Variants in EHD4 observed in about 807,000 individuals in gnomAD.
The protein encoded by EHD4 is EH domain-containing protein 4.
A neutral mutation model predicts 51.0 loss-of-function variants in EHD4; 37 were observed. That is an observed-to-expected ratio of 0.73 (90% CI 0.56 to 0.95). The LOEUF (loss-of-function observed/expected upper bound fraction) is 0.95. Among genes scored for constraint, EHD4 ranks in the 40% least tolerant of loss-of-function variants. The probability of loss-of-function intolerance (pLI) is 0.00; values close to 1 mark genes in which losing one functional copy is unlikely to be tolerated. For synonymous variants in EHD4, 297 were observed against 317.3 expected (o/e 0.94, Z 0.68); for missense variants, 632 against 733.1 (o/e 0.86, Z 1.59).
chr15:41,902,002 G>A (rs1184971935), intron 5 of EHD4, among the ~76,000 whole-genome samples: 1 of 152,172 alleles, frequency 6.6e-6, no homozygotes, highest in Non-Finnish European at 1.5e-5. Flanking sequence ...TGGGGAGCAC[G>A]AGGGAATAAA....
chr15:41,902,278 T>C (rs191881698), intron 5 of EHD4, among the ~76,000 whole-genome samples: 1 of 151,388 alleles, frequency 6.6e-6, no homozygotes, highest in Non-Finnish European at 1.5e-5. Context: ...CATCCATCCA[T>C]CCATCCATCC....
Position 41,953,887 on chromosome 15 carries a change from G to T in EHD4, c.290C>A (p.Thr97Lys). Residue 97 changes from threonine (T) to lysine (K), a missense_variant, in exon 2 of 6, where the codon ACA becomes AAA. Physicochemically the swap from Thr to Lys is moderately conservative, Grantham distance 78. Coordinates refer to ENST00000220325, the MANE Select transcript of EHD4 (RefSeq NM_139265.4). ...PGMRIGPEPTTDSFIAVMYGE... is the reference protein window; with the variant it reads ...PGMRIGPEPTKDSFIAVMYGE... ...ATACATCACGGCGATGAAGGAGTCTGTGGTGGGCTCCGGACCAATCCTCAT... is the reference window on the plus strand; with the variant it reads ...ATACATCACGGCGATGAAGGAGTCTTTGGTGGGCTCCGGACCAATCCTCAT... 2 of 1,613,986 alleles carry T rather than the reference G, an allele frequency of 1.2e-6. No individual in the cohort carries two copies. Among genetic ancestry groups the T allele is most frequent in the Non-Finnish European group, 1.7e-6 (2 of 1,179,978 alleles).
intron 1 of EHD4, among the ~76,000 whole-genome samples, chr15:41,959,855 A>G (rs923977760): frequency 6.6e-6 from 1 of 151,854 alleles, no homozygotes; most frequent in Non-Finnish European, 1.5e-5. Context: ...CTGTAATCCC[A>G]GCTACTCGGG....
chr15:41,968,714 C>T (rs568375385), intron 1 of EHD4, among the ~76,000 whole-genome samples: 13 of 152,116 alleles, frequency 8.5e-5, no homozygotes, highest in Non-Finnish European at 1.8e-4. Flanking sequence ...ACTTGGCTGG[C>T]GCTAGTTGCA....
At chr15:41,959,372 G>C (rs990532606) in intron 1 of EHD4, among the ~76,000 whole-genome samples, 90 of 145,156 alleles carry the variant, frequency 6.2e-4, no homozygotes, top group African/African-American at 2.3e-3. Flanking sequence ...CTCCAGCCTG[G>C]GTGACAGAGC....
At chr15:41,930,303 C>T (rs761543383) in intron 3 of EHD4, among the ~76,000 whole-genome samples, 2 of 152,200 alleles carry the variant, frequency 1.3e-5, no homozygotes, top group African/African-American at 2.4e-5. Context: ...GTGTATAAGT[C>T]AGGCTAGAAA....
chr15:41,935,338 G>A (rs939735529), intron 3 of EHD4, among the ~76,000 whole-genome samples: 1 of 152,170 alleles, frequency 6.6e-6, no homozygotes, highest in Non-Finnish European at 1.5e-5. Context: ...CACTGTTGCT[G>A]TGAAACCTAA....
At position 41,900,875 on chromosome 15, in the gene EHD4, A is replaced by G. The variant is rs141181037; in HGVS notation, c.1396T>C (p.Ser466Pro). 32 of 1,614,046 alleles carry G rather than the reference A, an allele frequency of 2.0e-5. No homozygotes were observed. In the East Asian group the frequency reaches 7.1e-4, roughly 36 times the overall value. ...YTLSPINGKI[S>P]GVNAKKEMVT... ...ATCTCCTTCTTGGCGTTGACACCTG[A>G]TATCTTGCCATTGATGGGCGACAGA... The change falls in exon 6 of 6, where the codon TCA becomes CCA. Residue 466 changes from serine to proline, a missense_variant. Ser to Pro is a moderately conservative substitution (Grantham distance 74, BLOSUM62 -1). Transcript: ENST00000220325. This position sits in a 1 kb window ranked among gnomAD's most constrained non-coding sequence, Gnocchi z 4.8.
intron 4 of EHD4, among the ~76,000 whole-genome samples, chr15:41,916,341 T>C (rs1179367240): frequency 6.6e-6 from 1 of 152,220 alleles, no homozygotes; most frequent in Non-Finnish European, 1.5e-5. Context: ...GGTTTGAACG[T>C]ATACTTTGCA....
chr15:41,918,813 C>T (rs2067602786), intron 4 of EHD4, among the ~76,000 whole-genome samples: 1 of 152,236 alleles, frequency 6.6e-6, no homozygotes, highest in African/African-American at 2.4e-5. Context: ...CTCACCAATG[C>T]CACCTCTTTC....
intron 4 of EHD4, among the ~76,000 whole-genome samples, chr15:41,917,963 G>A (rs1478303874): frequency 6.6e-6 from 1 of 152,168 alleles, no homozygotes; most frequent in Non-Finnish European, 1.5e-5. Context: ...AGGACATCGA[G>A]GTCCTGTGTG....
intron 4 of EHD4, among the ~76,000 whole-genome samples, chr15:41,918,205 C>T (rs939141002): frequency 7.2e-6 from 1 of 138,736 alleles, no homozygotes; most frequent in South Asian, 2.4e-4. Context: ...TAGCCAATCA[C>T]CCAGGGAGCT....
Position 41,953,747 on chromosome 15 carries a change from A to G in EHD4, c.413+17T>C. The G allele has an allele frequency of 6.3e-7, 1 of 1,574,988 alleles. No homozygotes were observed. Among genetic ancestry groups the G allele is most frequent in the Non-Finnish European group, 8.6e-7 (1 of 1,163,894 alleles). On this transcript the variant is annotated intron_variant, in intron 2 of 5. Transcript: ENST00000220325. ...TTTAAACAGCCTGACCGAAGATGGC[A>G]GCTTGCTGGTCCTTACCGATTCAGG...
intron 1 of EHD4, among the ~76,000 whole-genome samples, chr15:41,961,164 G>C (rs1214652603): frequency 6.6e-6 from 1 of 152,172 alleles, no homozygotes. Context: ...TCGTATCTCA[G>C]GCTATTTTTC....
At position 41,900,558 on chromosome 15, in the gene EHD4, C is replaced by T; in HGVS notation, c.*87G>A. The T allele has an allele frequency of 7.2e-7, 1 of 1,386,134 alleles. No individual in the cohort carries two copies. The highest frequency in any genetic ancestry group is 1.4e-5 in the South Asian group (1 of 69,770). 85.9% of individuals were successfully genotyped at this position (1,386,134 alleles called of 1,614,324 possible). A position where few individuals can be genotyped will look rare whatever the true frequency, so the allele number is the denominator to read the frequency against. ...AACCAAGGCACAGAGAGGGCAGTGC[C>T]TTGCCCAAGGTCATTCGGTGAGTCA... On this transcript the variant is annotated 3_prime_UTR_variant, in exon 6 of 6. Transcript: ENST00000220325. The surrounding 1 kb of genome is among the most constrained non-coding windows in gnomAD (Gnocchi z 4.8).
At chr15:41,902,376 C>T (rs1001063830) in intron 5 of EHD4, among the ~76,000 whole-genome samples, 1 of 152,144 alleles carries the variant, frequency 6.6e-6, no homozygotes, top group Non-Finnish European at 1.5e-5. Flanking sequence ...GCCAACAATT[C>T]ATCCATCCAT....
intron 1 of EHD4, among the ~76,000 whole-genome samples, chr15:41,956,142 A>G (rs2067886319): frequency 6.6e-6 from 1 of 152,234 alleles, no homozygotes. Context: ...AATCAGTGCT[A>G]ATAGCAACGG....
intron 1 of EHD4, among the ~76,000 whole-genome samples, chr15:41,964,086 A>G (rs2067945234): frequency 7.1e-6 from 1 of 141,458 alleles, no homozygotes; most frequent in Non-Finnish European, 1.5e-5. Flanking sequence ...CAGAGCTTGC[A>G]GTGAGCTGAG....
intron 5 of EHD4, chr15:41,908,559 G>C (rs949418611): frequency 1.1e-4 from 16 of 152,306 alleles, no homozygotes; most frequent in African/African-American, 3.9e-4. Context: ...GGTGGGCTTT[G>C]TTTGTCCTAC....
Sources: gnomAD v4.1 joint callset for allele counts (sites outside exome capture counted in the v4.1 genomes callset) on GRCh38, gnomAD v4.1.1 for gene constraint, Gnocchi (gnomAD v3.1) non-coding constraint, MANE v1.5 for transcripts, NCBI Gene and HGNC (gene_info 2026-07-23, HGNC 2026-07-21) for gene names.